BRD7: variants seen among roughly 807,000 people sequenced by gnomAD.
BRD7 encodes bromodomain containing 7.
A neutral mutation model predicts 82.1 loss-of-function variants in BRD7; 15 were observed. The observed-to-expected ratio is 0.18, with a 90% CI of 0.12 to 0.28. The LOEUF is 0.28. Among genes scored for constraint, BRD7 ranks in the 10% least tolerant of loss-of-function variants. The pLI is 1.00. For missense variants in BRD7, 638 were observed against 779.9 expected (o/e 0.82, Z 2.17); for synonymous variants, 232 against 266.9 (o/e 0.87, Z 1.27).
chr16:50,363,112 G>A (rs1054658570), intron 2 of BRD7, among the ~76,000 whole-genome samples: 4 of 152,174 alleles, frequency 2.6e-5, no homozygotes, highest in African/African-American at 4.8e-5. Flanking sequence ...TAATGGGTGT[G>A]TATATGGTTA....
intron 2 of BRD7, 38 bp downstream of exon 2, chr16:50,368,052 T>C (rs1424343735): frequency 1.2e-6 from 2 of 1,605,820 alleles, no homozygotes; most frequent in Non-Finnish European, 1.7e-6. Context: ...GAAGAGGCAG[T>C]GCCGTCCGCA....
In BRD7 at chr16:50,317,307, C is replaced by CTT. The variant is rs1241038779; in HGVS notation, c.*1902_*1903dup. The CTT allele has an allele frequency of 6.6e-6, 1 of 152,440 alleles. No individual in the cohort carries two copies. The highest frequency in any genetic ancestry group is 1.5e-5 in the Non-Finnish European group (1 of 68,042). 9.4% of individuals were successfully genotyped at this position (152,440 alleles called of 1,614,324 possible). A position where few individuals can be genotyped will look rare whatever the true frequency, so the allele number is the denominator to read the frequency against. ...AAGTTGCCTTTTTTACACACCAAAA[C>CTT]TTTTTACATGAAGGGCTGGTTTCAC... On this transcript the variant is annotated 3_prime_UTR_variant, in exon 17 of 17. Coordinates refer to ENST00000394688, the MANE Select transcript of BRD7 (RefSeq NM_013263.5).
chr16:50,329,383 G>T (rs1291126585), intron 8 of BRD7, among the ~76,000 whole-genome samples: 1 of 152,124 alleles, frequency 6.6e-6, no homozygotes, highest in Non-Finnish European at 1.5e-5. Context: ...ACGTGACAGG[G>T]ACCCACCATC....
chr16:50,319,251 T>G lies in BRD7; in HGVS notation c.1916A>C (p.Lys639Thr). ...TCCACACTCAGCAACATCCGTCTTT[T>G]TAGGTTCTTCAGTGTCTGAAAGAAA... is the stretch of plus-strand genomic sequence containing the variant. ...VDLTEDTEEP[K>T]KTDVAECGPG... is the part of the protein sequence containing the mutation. The change falls in exon 17 of 17, where the codon AAA (lysine) becomes ACA (threonine). Residue 639 changes from lysine to threonine, a missense_variant. Lys to Thr is a moderately conservative substitution (Grantham distance 78). Transcript: ENST00000394688. The G allele has an allele frequency of 6.2e-7, 1 of 1,613,772 alleles. No individual in the cohort carries two copies. The highest frequency in any genetic ancestry group is 8.5e-7 in the Non-Finnish European group (1 of 1,179,870).
At chr16:50,348,577 C>T (rs973696280) in intron 5 of BRD7, among the ~76,000 whole-genome samples, 3 of 152,154 alleles carry the variant, frequency 2.0e-5, no homozygotes, top group African/African-American at 7.2e-5. Flanking sequence ...AAAAATCAAA[C>T]AACCCCATCA....
chr16:50,341,637 G>A (rs1218343399), intron 5 of BRD7, among the ~76,000 whole-genome samples: 4 of 95,956 alleles, frequency 4.2e-5, no homozygotes, highest in South Asian at 8.6e-4. Flanking sequence ...AGTGAGACTC[G>A]GTCTCAAAAA....
intron 2 of BRD7, among the ~76,000 whole-genome samples, chr16:50,362,756 T>C (rs1295034874): frequency 1.3e-5 from 2 of 151,968 alleles, no homozygotes; most frequent in Admixed American, 1.3e-4. Context: ...AGACAGAAAG[T>C]GGAATGGTGG....
At chr16:50,319,452 T>C (rs2036972897) in intron 16 of BRD7, among the ~76,000 whole-genome samples, 186 bp from the exon 17 acceptor site, 1 of 152,210 alleles carries the variant, frequency 6.6e-6, no homozygotes, top group Non-Finnish European at 1.5e-5. Flanking sequence ...GAAATCTTTA[T>C]TAATTCTTTA....
At chr16:50,325,460 G>A (rs919559142) in intron 11 of BRD7, among the ~76,000 whole-genome samples, 2 of 152,120 alleles carry the variant, frequency 1.3e-5, no homozygotes, top group African/African-American at 4.8e-5. Flanking sequence ...GCACATCAAC[G>A]TTTTGAAGTA....
intron 4 of BRD7, among the ~76,000 whole-genome samples, chr16:50,353,642 G>A (rs1044234730): frequency 6.6e-6 from 1 of 151,950 alleles, no homozygotes; most frequent in African/African-American, 2.4e-5. Context: ...TGCCCAGGCT[G>A]GAGTGCAGTG....
At chr16:50,339,287 A>C (rs2037947316) in intron 6 of BRD7, among the ~76,000 whole-genome samples, 2 of 152,222 alleles carry the variant, frequency 1.3e-5, no homozygotes, top group South Asian at 4.1e-4. Context: ...CGTTCTGAGA[A>C]ATGTACTGTT....
chr16:50,344,486 T>C (rs2038202747), intron 5 of BRD7, among the ~76,000 whole-genome samples: 2 of 152,256 alleles, frequency 1.3e-5, no homozygotes, highest in South Asian at 2.1e-4. Flanking sequence ...AGGAAGATGT[T>C]TGAACCCATT....
intron 2 of BRD7, among the ~76,000 whole-genome samples, chr16:50,356,755 C>CAT (rs1446159806): frequency 2.0e-5 from 3 of 150,314 alleles, no homozygotes. Context: ...CACACACACA[C>CAT]ATATATATAT....
rs1050900043 is a variant in BRD7 at position 50,316,744 on chromosome 16, CTG to C, written c.*2465_*2466del. 2.6e-5 allele frequency: 4 copies of C among 152,376 alleles called. No individual in the cohort carries two copies. Among genetic ancestry groups the C allele is most frequent in the African/African-American group, 9.6e-5 (4 of 41,464 alleles). The allele number at this position is 152,376 out of a possible 1,614,324, so 9.4% of individuals were successfully genotyped here. A position where few individuals can be genotyped will look rare whatever the true frequency, so the allele number is the denominator to read the frequency against. ...CCCAAGGAATTGAAAGTCAACCTAA[CTG>C]TAACAACAGGGTGAGAAATGACCAA... On this transcript the variant is annotated 3_prime_UTR_variant, in exon 17 of 17. Coordinates refer to ENST00000394688, the MANE Select transcript of BRD7 (RefSeq NM_013263.5).
chr16:50,357,405 G>A (rs929861181), intron 2 of BRD7, among the ~76,000 whole-genome samples: 7 of 152,184 alleles, frequency 4.6e-5, no homozygotes, highest in African/African-American at 9.7e-5. Flanking sequence ...GTTGGTTAAT[G>A]TATTTTTACC....
chr16:50,328,868 T>TTTACATATACATAATGAGATATC (rs1364036999), intron 8 of BRD7, 124 bp from the exon 9 acceptor site: 20 of 749,808 alleles, frequency 2.7e-5, no homozygotes, highest in Admixed American at 5.6e-5. Context: ...TTTTGGAATA[T>TTTACATATACATAATGAGATATC]TTACATATAC....
intron 2 of BRD7, among the ~76,000 whole-genome samples, chr16:50,364,396 G>T (rs1219109426): frequency 6.6e-6 from 1 of 152,066 alleles, no homozygotes; most frequent in African/African-American, 2.4e-5. Context: ...CTAGCAAAAA[G>T]AATCTCTCCC....
chr16:50,322,744 CT>C (rs1203861207), intron 12 of BRD7, among the ~76,000 whole-genome samples: 2 of 152,144 alleles, frequency 1.3e-5, no homozygotes, highest in Non-Finnish European at 2.9e-5. Context: ...TTTCGTTAGA[CT>C]ATTAATTCAT....
intron 3 of BRD7, 71 bp from the exon 4 acceptor site, chr16:50,354,553 T>TTG: frequency 7.5e-7 from 1 of 1,326,622 alleles, no homozygotes; most frequent in Non-Finnish European, 1.1e-6. Context: ...TACTAGATCA[T>TTG]TTTCTACAAC....
Sources: allele counts gnomAD v4.1 joint callset (sites outside exome capture counted in the v4.1 genomes callset), GRCh38; gene constraint gnomAD v4.1.1; transcripts MANE v1.5; gene names NCBI Gene and HGNC (gene_info 2026-07-23, HGNC 2026-07-21).